The following C10orf67 variants were observed in gnomAD, a reference collection of about 807,000 sequenced individuals.
C10orf67 encodes uncharacterized protein C10orf67, mitochondrial.
In C10orf67, 60 loss-of-function variants were observed where a neutral mutation model predicts 35.6. That is an observed-to-expected ratio of 1.68 (90% CI 1.37 to 2.09). C10orf67 has a LOEUF of 2.09. Among genes scored for constraint, C10orf67 ranks in the 30% most tolerant of loss-of-function variants. The pLI is 0.00. For missense variants in C10orf67, 474 were observed against 330.2 expected (o/e 1.44, Z -3.38); for synonymous variants, 167 against 115.8 (o/e 1.44, Z -2.84).
intron 4 of C10orf67, among the ~76,000 whole-genome samples, chr10:23,306,037 T>C (rs1028620443): frequency 3.9e-5 from 6 of 152,102 alleles, no homozygotes; most frequent in East Asian, 1.9e-4. Flanking sequence ...AATGGTAGTA[T>C]GTACAATGTA....
chr10:23,227,450 A>G (rs1318612579), intron 13 of C10orf67, among the ~76,000 whole-genome samples: 1 of 152,210 alleles, frequency 6.6e-6, no homozygotes, highest in African/African-American at 2.4e-5. Flanking sequence ...AAATAATAAG[A>G]GCTATTTATG....
chr10:23,228,961 T>C (rs1841827648), intron 13 of C10orf67, among the ~76,000 whole-genome samples: 1 of 152,104 alleles, frequency 6.6e-6, no homozygotes, highest in Non-Finnish European at 1.5e-5. Flanking sequence ...TGAGGTGATA[T>C]AGGAACATTT....
chr10:23,219,309 G>A lies in C10orf67; in HGVS notation c.1570+4289C>T, dbSNP rs187400174. Among the ~76,000 whole-genome samples the A allele has an allele frequency of 1.8e-4, 27 of 152,274 alleles. No individual in the cohort carries two copies. The East Asian group carries it at 5.0e-3, about 28-fold the overall frequency. On this transcript the variant is annotated intron_variant, in intron 15 of 15. Coordinates refer to ENST00000636213, the MANE Select transcript of C10orf67 (RefSeq NM_001371909.1). ...CTCTTCCTGACAAGCCACTTAAAGA[G>A]TCACTGTTACTTTGAGGTTTTATCT...
At chr10:23,271,155 G>A (rs1200800819) in intron 8 of C10orf67, among the ~76,000 whole-genome samples, 1 of 152,072 alleles carries the variant, frequency 6.6e-6, no homozygotes, top group African/African-American at 2.4e-5. Flanking sequence ...TTAAACCAAC[G>A]AAGATCAAAA....
In C10orf67 at chr10:23,266,338, G is replaced by T. The variant is rs1366436561; in HGVS notation, c.1124C>A (p.Ala375Glu). 3 of 398,462 alleles carry T rather than the reference G, an allele frequency of 7.5e-6. No individual in the cohort carries two copies. The highest frequency in any genetic ancestry group is 1.3e-5 in the Non-Finnish European group (3 of 226,072). The allele number at this position is 398,462 out of a possible 1,614,324, so 24.7% of individuals were successfully genotyped here. A position where few individuals can be genotyped will look rare whatever the true frequency, so the allele number is the denominator to read the frequency against. Residue 375 changes from alanine to glutamate, a missense_variant, in exon 10 of 16, where the codon GCG becomes GAG. Ala to Glu is a moderately radical substitution (Grantham distance 107). Transcript: ENST00000636213. The part of the protein sequence containing the change: ...PSTTALRPHS[A>E]TMSVSSAGAQ... Reference sequence around the variant, plus strand: ...CCCAGCAGATGATACACTCATGGTCGCAGAATGTGGCCTCAAAGCTGTGGT... The same window carrying T: ...CCCAGCAGATGATACACTCATGGTCTCAGAATGTGGCCTCAAAGCTGTGGT...
At position 23,323,089 on chromosome 10, in the gene C10orf67, A is replaced by G. The variant is rs539515524; in HGVS notation, c.328-552T>C. ...AAACTAAGATATGATGATGGACTAA[A>G]AGACAAGAGTTTCCTAGCAGTTTCT... On this transcript the variant is annotated intron_variant, in intron 2 of 15. Coordinates refer to ENST00000636213, the MANE Select transcript of C10orf67 (RefSeq NM_001371909.1). Among the ~76,000 whole-genome samples the G allele has an allele frequency of 3.6e-4, 55 of 152,310 alleles. 1 individual carries two copies. The South Asian group carries it at 0.011, about 31-fold the overall frequency.
intron 15 of C10orf67, among the ~76,000 whole-genome samples, chr10:23,210,730 C>A (rs1401676991): frequency 1.3e-5 from 2 of 152,136 alleles, no homozygotes; most frequent in African/African-American, 2.4e-5. Context: ...GCCTCAGACT[C>A]AGTTTTATCA....
At chr10:23,272,658 G>A (rs1472811625) in intron 8 of C10orf67, among the ~76,000 whole-genome samples, 1 of 152,130 alleles carries the variant, frequency 6.6e-6, no homozygotes, top group Non-Finnish European at 1.5e-5. Context: ...AATTGTTTTA[G>A]CTATCCCAGG....
At chr10:23,314,023 T>TA (rs1246179126) in intron 4 of C10orf67, among the ~76,000 whole-genome samples, 1 of 151,624 alleles carries the variant, frequency 6.6e-6, no homozygotes, top group African/African-American at 2.4e-5. Flanking sequence ...ATTTAGGAGG[T>TA]AAAAAAACTG....
At position 23,266,407 on chromosome 10, in the gene C10orf67, C is replaced by G; in HGVS notation, c.1055G>C (p.Gly352Ala). The stretch of plus-strand genomic sequence containing the variant: ...CCATGGGGACAAAGAGGCTTCTCTC[C>G]CCTTGGCTGATCTTGCAACCTGCCA... ...LSVKVARSAK[G>A]REASLSPWPK... Residue 352 changes from glycine (G) to alanine (A), a missense_variant, in exon 10 of 16, where the codon GGG becomes GCG. Transcript: ENST00000636213. 1 of 398,606 alleles carries G rather than the reference C, an allele frequency of 2.5e-6. No individual in the cohort carries two copies. Among genetic ancestry groups the G allele is most frequent in the Non-Finnish European group, 4.4e-6 (1 of 226,064 alleles). The allele number at this position is 398,606 out of a possible 1,614,324, so 24.7% of individuals were successfully genotyped here.
chr10:23,320,585 C>T (rs1197344926), intron 4 of C10orf67, among the ~76,000 whole-genome samples, 156 bp downstream of exon 4: 3 of 152,186 alleles, frequency 2.0e-5, no homozygotes, highest in Non-Finnish European at 4.4e-5. Flanking sequence ...CATAAACAGT[C>T]CTAGGCCTGA....
intron 15 of C10orf67, among the ~76,000 whole-genome samples, chr10:23,207,437 G>A (rs1195392173): frequency 6.7e-6 from 1 of 149,054 alleles, no homozygotes; most frequent in African/African-American, 2.4e-5. Context: ...AGGTAGTAAT[G>A]AAAAATATGA....
At chr10:23,260,958 T>C (rs1033338965) in intron 10 of C10orf67, among the ~76,000 whole-genome samples, 10 of 152,218 alleles carry the variant, frequency 6.6e-5, no homozygotes, top group African/African-American at 2.4e-4. Context: ...TCTTATAAAT[T>C]GTAATTGAAT....
chr10:23,248,873 G>A (rs577878993), intron 12 of C10orf67, among the ~76,000 whole-genome samples: 1 of 152,090 alleles, frequency 6.6e-6, no homozygotes, highest in African/African-American at 2.4e-5. Context: ...TCAACATAAA[G>A]TCTGCAGAGA....
chr10:23,337,066 T>A (rs1378429266), intron 1 of C10orf67, among the ~76,000 whole-genome samples: 2 of 151,932 alleles, frequency 1.3e-5, no homozygotes, highest in East Asian at 1.9e-4. Context: ...TCAAAATAAA[T>A]AATGAAAGCA....
chr10:23,289,042 T>C (rs942155408), intron 7 of C10orf67, among the ~76,000 whole-genome samples: 5 of 152,060 alleles, frequency 3.3e-5, no homozygotes, highest in South Asian at 2.1e-4. Context: ...ATAGGGAAGT[T>C]TGCGGATAAA....
chr10:23,212,833 T>TTG (rs1369855220), intron 15 of C10orf67, among the ~76,000 whole-genome samples: 6 of 131,678 alleles, frequency 4.6e-5, no homozygotes, highest in Admixed American at 2.3e-4. Context: ...GACGTAAGCA[T>TTG]GCAAACCTAA....
At chr10:23,269,397 A>G (rs1842962561) in intron 8 of C10orf67, among the ~76,000 whole-genome samples, 1 of 152,234 alleles carries the variant, frequency 6.6e-6, no homozygotes, top group Admixed American at 6.5e-5. Context: ...GCTATAAGAT[A>G]GAGCCAAATG....
intron 3 of C10orf67, 82 bp downstream of exon 3, chr10:23,322,312 T>C: frequency 7.1e-7 from 1 of 1,413,686 alleles, no homozygotes; most frequent in Non-Finnish European, 9.6e-7. Context: ...CCTCACAAGT[T>C]ACTAAATTCT....
Sources: allele counts gnomAD v4.1 joint callset (sites outside exome capture counted in the v4.1 genomes callset), GRCh38; gene constraint gnomAD v4.1.1; transcripts MANE v1.5; gene names NCBI Gene and HGNC (gene_info 2026-07-23, HGNC 2026-07-21).